Variants in CNTN6 observed in about 807,000 individuals in gnomAD.
The protein encoded by CNTN6 is contactin 6, also known as contactin-6.
A neutral mutation model predicts 122.8 loss-of-function variants in CNTN6; 137 were observed. That is an observed-to-expected ratio of 1.12 (90% CI 0.97 to 1.29). CNTN6 has a LOEUF of 1.29. Among genes scored for constraint, CNTN6 ranks in the 50% most tolerant of loss-of-function variants. The probability of loss-of-function intolerance (pLI) is 0.00; values close to 1 mark genes in which losing one functional copy is unlikely to be tolerated. For missense variants in CNTN6, 1,634 were observed against 1,223.4 expected (o/e 1.34, Z -5.01); for synonymous variants, 570 against 426.0 (o/e 1.34, Z -4.16).
intron 10 of CNTN6, among the ~76,000 whole-genome samples, chr3:1,329,488 T>C (rs1701994849): frequency 6.6e-6 from 1 of 151,786 alleles, no homozygotes; most frequent in African/African-American, 2.4e-5. Context: ...ATAAGTTGCA[T>C]TTATTGAGCC....
In CNTN6 at chr3:1,108,143, GT is replaced by G. The variant is rs566088277; in HGVS notation, c.-83+15029del. ...TGACAAAATTCCTTAGAGAATAAATGTTTTTTAACCTTGGGTAGTAGAATAA... is the reference window on the plus strand; with the variant it reads ...TGACAAAATTCCTTAGAGAATAAATGTTTTTAACCTTGGGTAGTAGAATAA... On this transcript the variant is annotated intron_variant, in intron 1 of 22. Coordinates refer to ENST00000446702, the MANE Select transcript of CNTN6 (RefSeq NM_001289080.2). 1.7e-4 allele frequency among the ~76,000 whole-genome samples: 26 copies of G among 152,056 alleles called. No individual in the cohort carries two copies. The East Asian group carries it at 5.0e-3, about 29-fold the overall frequency.
chr3:1,342,076 TGAA>T (rs1360166515), intron 11 of CNTN6, among the ~76,000 whole-genome samples: 3 of 151,756 alleles, frequency 2.0e-5, no homozygotes, highest in African/African-American at 7.3e-5. Context: ...TCGATTTTGT[TGAA>T]GAGTTGCCAA....
In CNTN6 at chr3:1,383,041, GT is replaced by G. The variant is rs1692165843; in HGVS notation, c.2267del (p.Val756GlyfsTer34). Reference protein sequence around the residue: ...TTWSKEKVSSVESSRFVYRNE... With the variant: ...TTWSKEKVSSXESSRFVYRNE... Reference sequence around the variant, plus strand: ...CTGGTCCAAGGAGAAAGTGTCATCTGTGGAATCATCAAGGTTTGTCTACAGA... The same window carrying G: ...CTGGTCCAAGGAGAAAGTGTCATCTGGGAATCATCAAGGTTTGTCTACAGA... On this transcript the variant is annotated frameshift_variant, in exon 18 of 23. Coordinates refer to ENST00000446702, the MANE Select transcript of CNTN6 (RefSeq NM_001289080.2). LOFTEE classifies it high-confidence loss of function. 4 of 1,614,038 alleles carry G rather than the reference GT, an allele frequency of 2.5e-6. No homozygotes were observed. In the East Asian group the frequency reaches 8.9e-5, roughly 36 times the overall value.
At chr3:1,363,993 T>C (rs1198557956) in intron 12 of CNTN6, among the ~76,000 whole-genome samples, 1 of 151,942 alleles carries the variant, frequency 6.6e-6, no homozygotes, top group African/African-American at 2.4e-5. Flanking sequence ...AGATTTGCAT[T>C]TGCCTGATGA....
chr3:1,120,120 T>G (rs565998467), intron 1 of CNTN6, among the ~76,000 whole-genome samples: 1 of 148,202 alleles, frequency 6.7e-6, no homozygotes, highest in Non-Finnish European at 1.5e-5. Flanking sequence ...CATTCACCTA[T>G]TGATGGATGT....
At chr3:1,119,148 T>A (rs1348761084) in intron 1 of CNTN6, among the ~76,000 whole-genome samples, 4 of 151,830 alleles carry the variant, frequency 2.6e-5, no homozygotes, top group African/African-American at 7.3e-5. Context: ...ACAATTTGAG[T>A]CTGCATTTTT....
In CNTN6 at chr3:1,316,365, G is replaced by A. The variant is rs551593658; in HGVS notation, c.762-5285G>A. On this transcript the variant is annotated intron_variant, in intron 7 of 22. Transcript: ENST00000446702. Reference sequence around the variant, plus strand: ...CTTACAATCATGGTAGAAAGTGAAGGGGAAGCAGGCATGTCCTACATGGCT... The same window carrying A: ...CTTACAATCATGGTAGAAAGTGAAGAGGAAGCAGGCATGTCCTACATGGCT... 3.9e-5 allele frequency among the ~76,000 whole-genome samples: 6 copies of A among 151,964 alleles called. No homozygotes were observed. The South Asian group carries it at 1.2e-3, about 32-fold the overall frequency.
intron 4 of CNTN6, among the ~76,000 whole-genome samples, chr3:1,257,501 A>T (rs3902530): frequency 5.9e-5 from 9 of 151,874 alleles, no homozygotes; most frequent in Non-Finnish European, 1.2e-4. Context: ...TTCACCTTGA[A>T]TTTTTTGTAA....
intron 2 of CNTN6, among the ~76,000 whole-genome samples, chr3:1,165,082 C>T (rs1340442751): frequency 6.6e-6 from 1 of 152,200 alleles, no homozygotes; most frequent in Non-Finnish European, 1.5e-5. Flanking sequence ...ACCTCATTTA[C>T]AGTTCATGAT....
chr3:1,102,463 G>C (rs780208666), intron 1 of CNTN6, among the ~76,000 whole-genome samples: 23 of 152,228 alleles, frequency 1.5e-4, no homozygotes, highest in Non-Finnish European at 3.1e-4. Flanking sequence ...GGGCGCGGTG[G>C]CTCCCGCCTG....
At chr3:1,289,504 G>A (rs1288959167) in intron 5 of CNTN6, among the ~76,000 whole-genome samples, 5 of 152,110 alleles carry the variant, frequency 3.3e-5, no homozygotes, top group Non-Finnish European at 7.4e-5. Flanking sequence ...TGCCATCCCA[G>A]ACGTTTTATG....
intron 4 of CNTN6, among the ~76,000 whole-genome samples, chr3:1,247,453 T>TTAA (rs1553640107): frequency 0.051 from 7,600 of 149,326 alleles, 301 homozygotes; most frequent in East Asian, 0.15. Context: ...CTATATGGTT[T>TTAA]AAAAAAAAAA....
At chr3:1,296,072 A>G (rs1008295067) in intron 6 of CNTN6, among the ~76,000 whole-genome samples, 2 of 152,150 alleles carry the variant, frequency 1.3e-5, no homozygotes, top group African/African-American at 4.8e-5. Flanking sequence ...GTTTTGTAAA[A>G]ACAAAAACGA....
chr3:1,197,811 T>TA (rs1217356450), intron 2 of CNTN6, among the ~76,000 whole-genome samples: 8 of 152,214 alleles, frequency 5.3e-5, no homozygotes, highest in Non-Finnish European at 7.3e-5. Flanking sequence ...GTTATTTCAT[T>TA]AAATAAGATT....
chr3:1,402,586 G>A (rs900477654), intron 22 of CNTN6, 100 bp downstream of exon 22: 20 of 985,292 alleles, frequency 2.0e-5, no homozygotes, highest in South Asian at 4.5e-5. Context: ...TAAATGTTGG[G>A]TGATAAGATA....
At chr3:1,376,320 G>A (rs1319380367) in intron 16 of CNTN6, among the ~76,000 whole-genome samples, 1 of 151,930 alleles carries the variant, frequency 6.6e-6, no homozygotes, top group African/African-American at 2.4e-5. Context: ...GAGTTGAAGG[G>A]CATAGTTTTT....
intron 2 of CNTN6, among the ~76,000 whole-genome samples, chr3:1,168,036 T>C (rs1321873935): frequency 6.6e-6 from 1 of 152,074 alleles, no homozygotes; most frequent in South Asian, 2.1e-4. Context: ...GCCTCCCAAG[T>C]AGTTGGTACT....
chr3:1,322,632 GTGTATGTGTGTGTGTA>G (rs1466815888), intron 8 of CNTN6, among the ~76,000 whole-genome samples: 8 of 151,066 alleles, frequency 5.3e-5, no homozygotes, highest in Admixed American at 5.3e-4. Context: ...GAAAATATGT[GTGTATGTGTGTGTGTA>G]TGTGTGTGTG....
intron 2 of CNTN6, among the ~76,000 whole-genome samples, chr3:1,162,687 G>T (rs1297684088): frequency 1.3e-5 from 2 of 152,184 alleles, no homozygotes; most frequent in Non-Finnish European, 2.9e-5. Context: ...GTTGCATAAT[G>T]ACATAGCTGT....
Sources: gnomAD v4.1 joint callset for allele counts (sites outside exome capture counted in the v4.1 genomes callset) on GRCh38, gnomAD v4.1.1 for gene constraint, MANE v1.5 for transcripts, NCBI Gene and HGNC (gene_info 2026-07-23, HGNC 2026-07-21) for gene names.